The following SLIT3 variants were observed in gnomAD, a reference collection of about 807,000 sequenced individuals.
The protein encoded by SLIT3 is slit homolog 3 protein.
A neutral mutation model predicts 184.0 loss-of-function variants in SLIT3; 68 were observed. The ratio of observed to expected loss-of-function variants is 0.37; its 90% CI spans 0.30 to 0.45. The LOEUF (loss-of-function observed/expected upper bound fraction) is 0.45. Ranked by LOEUF, SLIT3 falls within the 20% of genes least tolerant of loss-of-function variation. The pLI, the probability that SLIT3 is intolerant of heterozygous loss-of-function variation, is 1.00. For synonymous variants in SLIT3, 831 were observed against 828.6 expected (o/e 1.00, Z -0.05); for missense variants, 1,707 against 2,026.0 (o/e 0.84, Z 3.02).
chr5:169,151,469 T>C (rs1762116560), intron 4 of SLIT3, among the ~76,000 whole-genome samples: 1 of 152,150 alleles, frequency 6.6e-6, no homozygotes, highest in Admixed American at 6.5e-5. Context: ...GAATAACAGC[T>C]TTGGCAGGGA....
At chr5:168,729,034 GAAGA>G (rs1368954017) in intron 20 of SLIT3, among the ~76,000 whole-genome samples, 2 of 151,502 alleles carry the variant, frequency 1.3e-5, no homozygotes, top group Non-Finnish European at 2.9e-5. Flanking sequence ...AGAACAAGCA[GAAGA>G]AAGAATCTCA....
intron 4 of SLIT3, among the ~76,000 whole-genome samples, chr5:168,911,871 C>T (rs1013828693): frequency 6.6e-6 from 1 of 152,226 alleles, no homozygotes; most frequent in Non-Finnish European, 1.5e-5. Context: ...ATGAAACCTA[C>T]ACTGCATGAG....
At chr5:168,967,143 A>C (rs1763225924) in intron 4 of SLIT3, among the ~76,000 whole-genome samples, 1 of 152,078 alleles carries the variant, frequency 6.6e-6, no homozygotes, top group Admixed American at 6.6e-5. Flanking sequence ...ATGAATTTGG[A>C]AAAATGCTCT....
chr5:169,117,030 G>T (rs1760692722), intron 4 of SLIT3, among the ~76,000 whole-genome samples: 1 of 152,092 alleles, frequency 6.6e-6, no homozygotes, highest in South Asian at 2.1e-4. Flanking sequence ...GGGAGCAGGG[G>T]GCTTGAAAGG....
At position 169,058,975 on chromosome 5, in the gene SLIT3, G is replaced by A. The variant is rs149952892; in HGVS notation, c.413+134504C>T. 6.4e-4 allele frequency among the ~76,000 whole-genome samples: 97 copies of A among 152,284 alleles called. 1 individual carries two copies. In the East Asian group the frequency reaches 0.017, roughly 26 times the overall value. On this transcript the variant is annotated intron_variant, in intron 4 of 35. Coordinates refer to ENST00000519560, the MANE Select transcript of SLIT3 (RefSeq NM_003062.4). ...TGCACAAACCAAACATAGTAAGGACGTTGCAGTGTCCAAAGCCAGGGACCC... is the reference window on the plus strand; with the variant it reads ...TGCACAAACCAAACATAGTAAGGACATTGCAGTGTCCAAAGCCAGGGACCC...
chr5:168,691,181 C>A (rs920837915), intron 29 of SLIT3, among the ~76,000 whole-genome samples: 16 of 152,334 alleles, frequency 1.1e-4, no homozygotes, highest in East Asian at 3.9e-4. Context: ...TCAAAACCAT[C>A]TTCCAATCCC....
intron 3 of SLIT3, among the ~76,000 whole-genome samples, chr5:169,209,485 A>C (rs866425996): frequency 6.6e-6 from 1 of 152,248 alleles, no homozygotes; most frequent in Non-Finnish European, 1.5e-5. Flanking sequence ...CTATAAAGAC[A>C]CATGCACATG....
chr5:169,107,634 C>G (rs1760263490), intron 4 of SLIT3, among the ~76,000 whole-genome samples: 1 of 152,176 alleles, frequency 6.6e-6, no homozygotes, highest in Non-Finnish European at 1.5e-5. Flanking sequence ...TCACAGGGAG[C>G]CTGGGAATGT....
In SLIT3 at chr5:169,197,793, A is replaced by G. The variant is rs536240062; in HGVS notation, c.342-4243T>C. Among the ~76,000 whole-genome samples the G allele has an allele frequency of 1.3e-4, 19 of 151,874 alleles. No individual in the cohort carries two copies. The East Asian group carries it at 3.5e-3, about 28-fold the overall frequency. On this transcript the variant is annotated intron_variant, in intron 3 of 35. Coordinates refer to ENST00000519560, the MANE Select transcript of SLIT3 (RefSeq NM_003062.4). The stretch of plus-strand genomic sequence containing the variant: ...AAAACTCCTCAGCTTTCCTGATGCA[A>G]CAATGGGGAGCATAAAGGTAAAAAA...
intron 32 of SLIT3, among the ~76,000 whole-genome samples, chr5:168,679,525 G>C (rs1232612473): frequency 6.6e-6 from 1 of 152,084 alleles, no homozygotes; most frequent in Non-Finnish European, 1.5e-5. Flanking sequence ...AAGACTTAAG[G>C]GTCAGAGACT....
chr5:169,129,520 C>T (rs772087472), intron 4 of SLIT3, among the ~76,000 whole-genome samples: 2 of 152,078 alleles, frequency 1.3e-5, no homozygotes, highest in Non-Finnish European at 2.9e-5. Context: ...CCATTGCACT[C>T]CAGCCTGGGC....
In SLIT3 at chr5:169,267,962, C is replaced by T. The variant is rs528327342; in HGVS notation, c.198-16503G>A. Among the ~76,000 whole-genome samples the T allele has an allele frequency of 5.9e-5, 9 of 152,300 alleles. No individual in the cohort carries two copies. The East Asian group carries it at 1.5e-3, about 26-fold the overall frequency. ...ACTTTTAACATAGGTGCAGTAATCA[C>T]TTTAAGAAAACGAAGGAACAGCCCA... On this transcript the variant is annotated intron_variant, in intron 1 of 35. Coordinates refer to ENST00000519560, the MANE Select transcript of SLIT3 (RefSeq NM_003062.4).
rs540309809 is a variant in SLIT3, at chr5:168,967,437, C to CTT, written c.414-84103_414-84102dup. Among the ~76,000 whole-genome samples the CTT allele has an allele frequency of 2.6e-3, 84 of 32,740 alleles. 35 individuals are homozygous for CTT. Among genetic ancestry groups the CTT allele is most frequent in the South Asian group, 0.013 (6 of 478 alleles). 21.5% of individuals were successfully genotyped at this position (32,740 alleles called of 152,430 possible). A position where few individuals can be genotyped will look rare whatever the true frequency, so the allele number is the denominator to read the frequency against. ...TTCCTCTGGCACTGCCATCTCAAAT[C>CTT]TTTTTTTTTTTTTTTTTTTTGAGAC... On this transcript the variant is annotated intron_variant, in intron 4 of 35. Coordinates refer to ENST00000519560, the MANE Select transcript of SLIT3 (RefSeq NM_003062.4).
chr5:169,187,869 T>A (rs11743470), intron 4 of SLIT3, among the ~76,000 whole-genome samples: 100 of 146,700 alleles, frequency 6.8e-4, no homozygotes, highest in Middle Eastern at 3.5e-3. Flanking sequence ...GATAAATTCT[T>A]AAAAAAAAAA....
chr5:168,924,488 G>A (rs1761744147), intron 4 of SLIT3, among the ~76,000 whole-genome samples: 1 of 146,748 alleles, frequency 6.8e-6, no homozygotes. Context: ...TTAAGGGTGT[G>A]TAAGGGTGTG....
At chr5:168,687,279 C>T (rs761758052) in intron 29 of SLIT3, among the ~76,000 whole-genome samples, 163 bp from the exon 30 acceptor site, 24 of 152,256 alleles carry the variant, frequency 1.6e-4, no homozygotes, top group Non-Finnish European at 1.8e-4. Flanking sequence ...TCCCTGGTGG[C>T]CCATGGCCTT....
intron 16 of SLIT3, among the ~76,000 whole-genome samples, chr5:168,759,506 T>TG (rs1437551694): frequency 1.3e-5 from 2 of 152,148 alleles, no homozygotes; most frequent in African/African-American, 2.4e-5. Context: ...GCAGTATGTC[T>TG]GGGGGGCCAT....
rs1484234031 is a variant in SLIT3 at position 168,762,600 on chromosome 5, C to T, written c.1549G>A (p.Asp517Asn). Residue 517 changes from aspartate to asparagine, a missense_variant, in exon 15 of 36, where the codon GAC becomes AAC. By Grantham distance (23) the Asp-to-Asn change is conservative. Around this residue, in one of 3 missense-constraint regions of SLIT3, gnomAD observed 1,307 missense variants for 1,511.6 expected, o/e 0.86. Transcript: ENST00000519560. ...CGGACCAGCTTCTGGTTGGAGCAGT[C>T]CACAATCGTGCCCTCACAGCGACAC... ...EKCRCEGTIV[D>N]CSNQKLVRIP... 2 of 1,613,970 alleles carry T rather than the reference C, an allele frequency of 1.2e-6. No homozygotes were observed. Among genetic ancestry groups the T allele is most frequent in the Non-Finnish European group, 1.7e-6 (2 of 1,180,042 alleles).
chr5:169,158,462 T>A (rs567224356), intron 4 of SLIT3, among the ~76,000 whole-genome samples: 1 of 151,352 alleles, frequency 6.6e-6, no homozygotes, highest in African/African-American at 2.4e-5. Context: ...AGATGGCCCC[T>A]AAAAGATGGC....
Sources: allele counts gnomAD v4.1 joint callset (sites outside exome capture counted in the v4.1 genomes callset), GRCh38; gene constraint gnomAD v4.1.1; regional missense constraint gnomAD v4.1.1; transcripts MANE v1.5; gene names NCBI Gene and HGNC (gene_info 2026-07-23, HGNC 2026-07-21).